RGS7: variants seen among roughly 807,000 people sequenced by gnomAD.
RGS7 encodes the protein regulator of G-protein signaling 7.
In RGS7, 27 loss-of-function variants were observed where a neutral mutation model predicts 81.1. The ratio of observed to expected loss-of-function variants is 0.33; its 90% CI spans 0.25 to 0.46. RGS7 has a LOEUF of 0.46. Among genes scored for constraint, RGS7 ranks in the 20% least tolerant of loss-of-function variants. RGS7 has a pLI of 1.00. For missense variants in RGS7, 396 were observed against 607.4 expected, an observed-to-expected ratio of 0.65 and a Z score of 3.66; for synonymous variants, 208 against 207.7, an observed-to-expected ratio of 1.00 and a Z score of -0.01.
In RGS7 at chr1:240,962,619, A is replaced by G. The variant is rs1005236079; in HGVS notation, c.226+20460T>C. Among the ~76,000 whole-genome samples the G allele has an allele frequency of 7.0e-4, 107 of 152,296 alleles. 1 individual carries two copies. The highest frequency in any genetic ancestry group is 2.1e-4 in the Non-Finnish European group (14 of 68,022). On this transcript the variant is annotated intron_variant, in intron 4 of 18. Transcript: ENST00000440928. ...AACTACACAGTCTAATAATTTCAAC[A>G]GGGAAAAAATGCAGTGTGTTCTGGA...
intron 6 of RGS7, among the ~76,000 whole-genome samples, chr1:240,906,268 T>C (rs916916258): frequency 6.6e-6 from 1 of 152,136 alleles, no homozygotes; most frequent in Admixed American, 6.5e-5. Flanking sequence ...CACAGGTACA[T>C]CATTAAATGC....
intron 2 of RGS7, among the ~76,000 whole-genome samples, chr1:241,345,480 C>A (rs1257920930): frequency 6.6e-6 from 1 of 152,070 alleles, no homozygotes; most frequent in South Asian, 2.1e-4. Flanking sequence ...CTAGAATTCC[C>A]TGAGAAGAGT....
intron 9 of RGS7, among the ~76,000 whole-genome samples, chr1:240,865,246 C>T (rs1457435411): frequency 6.6e-6 from 1 of 152,220 alleles, no homozygotes; most frequent in Non-Finnish European, 1.5e-5. Flanking sequence ...GCTTCCCACT[C>T]TGCCCCAGGT....
chr1:240,977,719 G>A (rs1032651410), intron 4 of RGS7, among the ~76,000 whole-genome samples: 24 of 152,194 alleles, frequency 1.6e-4, no homozygotes, highest in African/African-American at 5.8e-4. Context: ...CAATGCCGGA[G>A]TGGAAACAGC....
chr1:240,959,447 G>T (rs1480404238), intron 4 of RGS7, among the ~76,000 whole-genome samples: 1 of 152,162 alleles, frequency 6.6e-6, no homozygotes, highest in Non-Finnish European at 1.5e-5. Flanking sequence ...GTAGGCAACT[G>T]TAACACAATG....
intron 9 of RGS7, among the ~76,000 whole-genome samples, chr1:240,839,964 G>A (rs913415601): frequency 3.3e-5 from 5 of 151,988 alleles, no homozygotes; most frequent in Non-Finnish European, 7.4e-5. Context: ...ATTCATCAGC[G>A]CATCATGCAA....
chr1:240,781,481 C>G lies in RGS7; in HGVS notation c.*7-5268G>C, dbSNP rs1306331720. ...ATTAGCCAGGTGTGGTGGCAGGTGCCTGCAATCTCAACTACTCAGGAGGCT... is the reference window on the plus strand; with the variant it reads ...ATTAGCCAGGTGTGGTGGCAGGTGCGTGCAATCTCAACTACTCAGGAGGCT... On this transcript the variant is annotated intron_variant, in intron 18 of 18. Transcript: ENST00000440928. 2.0e-5 allele frequency among the ~76,000 whole-genome samples: 3 copies of G among 152,274 alleles called. No homozygotes were observed. In the East Asian group the frequency reaches 5.8e-4, roughly 29 times the overall value.
At chr1:241,062,292 A>C (rs1205290655) in intron 3 of RGS7, among the ~76,000 whole-genome samples, 2 of 152,168 alleles carry the variant, frequency 1.3e-5, no homozygotes, top group Non-Finnish European at 2.9e-5. Context: ...AGCTGACCAC[A>C]TCCCATCTCT....
chr1:240,992,811 T>C (rs1175775221), intron 3 of RGS7, among the ~76,000 whole-genome samples: 1 of 146,130 alleles, frequency 6.8e-6, no homozygotes, highest in East Asian at 2.0e-4. Flanking sequence ...AAGACCAACC[T>C]GGCCAAGGTG....
intron 3 of RGS7, among the ~76,000 whole-genome samples, chr1:241,010,791 T>A (rs1441762240): frequency 2.0e-5 from 3 of 152,156 alleles, no homozygotes; most frequent in Non-Finnish European, 4.4e-5. Context: ...TCACAGCACC[T>A]ACAATGTCAA....
At chr1:241,004,216 G>A (rs1572218149) in intron 3 of RGS7, among the ~76,000 whole-genome samples, 1 of 152,260 alleles carries the variant, frequency 6.6e-6, no homozygotes, top group East Asian at 1.9e-4. Flanking sequence ...TTTACAAAAT[G>A]CTTAGACCTC....
chr1:241,334,906 T>G (rs1393850802), intron 2 of RGS7, among the ~76,000 whole-genome samples: 2 of 152,184 alleles, frequency 1.3e-5, no homozygotes, highest in East Asian at 3.8e-4. Flanking sequence ...AATTATGACA[T>G]ATTAGAAGTC....
At chr1:241,248,916 T>C (rs2076696803) in intron 2 of RGS7, among the ~76,000 whole-genome samples, 1 of 152,210 alleles carries the variant, frequency 6.6e-6, no homozygotes, top group African/African-American at 2.4e-5. Context: ...GTTGTACAGA[T>C]TATTTTTTCC....
At chr1:240,894,271 A>G (rs1323640737) in intron 6 of RGS7, among the ~76,000 whole-genome samples, 2 of 152,122 alleles carry the variant, frequency 1.3e-5, no homozygotes, top group African/African-American at 4.8e-5. Context: ...ATCTATTGGC[A>G]GACTTTACAT....
At chr1:241,089,063 C>CTATATATATATATATATATATATATA (rs1161090389) in intron 3 of RGS7, among the ~76,000 whole-genome samples, 1 of 23,680 alleles carries the variant, frequency 4.2e-5, no homozygotes, top group Non-Finnish European at 7.4e-5. Flanking sequence ...CTCTCTCTCT[C>CTATATATATATATATATATATATATA]TATATATATA....
intron 3 of RGS7, among the ~76,000 whole-genome samples, chr1:241,092,736 T>C (rs972934690): frequency 1.7e-4 from 26 of 152,250 alleles, no homozygotes; most frequent in African/African-American, 5.8e-4. Context: ...AACCACTCCT[T>C]ACCACAAAGC....
intron 2 of RGS7, among the ~76,000 whole-genome samples, chr1:241,263,825 T>C (rs148294530): frequency 6.6e-6 from 1 of 152,220 alleles, no homozygotes; most frequent in African/African-American, 2.4e-5. Context: ...TATCCTGACA[T>C]TGCAAACTCT....
At chr1:240,912,150 CAAAAAAAAAAAAAAAAA>C (rs374318547) in intron 6 of RGS7, among the ~76,000 whole-genome samples, 25 of 55,782 alleles carry the variant, frequency 4.5e-4, no homozygotes, top group African/African-American at 2.1e-3. Flanking sequence ...GATTCTGTCT[CAAAAAAAAAAAAAAAAA>C]AAAAAAAAAA....
rs575935704 is a variant in RGS7, at chr1:241,294,866, C to A, written c.78+60833G>T. 1.0e-3 allele frequency among the ~76,000 whole-genome samples: 153 copies of A among 152,246 alleles called. 1 individual carries two copies. Among genetic ancestry groups the A allele is most frequent in the African/African-American group, 3.6e-3 (149 of 41,552 alleles). Reference sequence around the variant, plus strand: ...AAGTCCAGGTGTGTAGGAGGCTACACCATCTAGGTTTGTGTAAGTACACGC... The same window carrying A: ...AAGTCCAGGTGTGTAGGAGGCTACAACATCTAGGTTTGTGTAAGTACACGC... On this transcript the variant is annotated intron_variant, in intron 2 of 18. Coordinates refer to ENST00000440928, the MANE Select transcript of RGS7 (RefSeq NM_001364886.1).
Sources: gnomAD v4.1 joint callset for allele counts (sites outside exome capture counted in the v4.1 genomes callset) on GRCh38, gnomAD v4.1.1 for gene constraint, MANE v1.5 for transcripts, NCBI Gene and HGNC (gene_info 2026-07-23, HGNC 2026-07-21) for gene names.